Variants in RGS7 observed in about 807,000 individuals in gnomAD.
RGS7 encodes regulator of G protein signaling 7, also known as regulator of G-protein signaling 7.
In RGS7, 27 loss-of-function variants were observed where a neutral mutation model predicts 81.1. That is an observed-to-expected ratio of 0.33 (90% CI 0.25 to 0.46). The LOEUF (loss-of-function observed/expected upper bound fraction) is 0.46. Ranked by LOEUF, RGS7 falls within the 20% of genes least tolerant of loss-of-function variation. RGS7 has a pLI of 1.00. For synonymous variants in RGS7, 208 were observed against 207.7 expected (o/e 1.00, Z -0.01); for missense variants, 396 against 607.4 (o/e 0.65, Z 3.66).
intron 6 of RGS7, among the ~76,000 whole-genome samples, chr1:240,913,187 C>A (rs922441731): frequency 6.6e-6 from 1 of 152,146 alleles, no homozygotes; most frequent in African/African-American, 2.4e-5. Context: ...TTTACAGATA[C>A]CATGTTTCAG....
intron 6 of RGS7, chr1:240,920,626 C>T: frequency 9.0e-7 from 1 of 1,115,082 alleles, no homozygotes; most frequent in Non-Finnish European, 1.3e-6. Context: ...GGAAACAAAG[C>T]TTAGCGGAAG....
At position 241,087,993 on chromosome 1, in the gene RGS7, TATAC is replaced by T. The variant is rs1176626399; in HGVS notation, c.175+10669_175+10672del. The stretch of plus-strand genomic sequence containing the variant: ...CTCTCTCTCTATATATATATATATA[TATAC>T]ACACACACACATATATATATACACA... On this transcript the variant is annotated intron_variant, in intron 3 of 18. Coordinates refer to ENST00000440928, the MANE Select transcript of RGS7 (RefSeq NM_001364886.1). Among the ~76,000 whole-genome samples the T allele has an allele frequency of 2.3e-3, 246 of 105,320 alleles. 2 individuals are homozygous for T. The highest frequency in any genetic ancestry group is 8.5e-3 in the African/African-American group (230 of 27,002). 69.1% of individuals were successfully genotyped at this position (105,320 alleles called of 152,430 possible). A position where few individuals can be genotyped will look rare whatever the true frequency, so the allele number is the denominator to read the frequency against.
intron 9 of RGS7, among the ~76,000 whole-genome samples, chr1:240,843,653 C>A (rs10495476): frequency 0.68 from 102,631 of 152,006 alleles, 35,083 homozygotes; most frequent in Middle Eastern, 0.77. Flanking sequence ...GAGGTATATG[C>A]AATTATTGTG....
At chr1:241,244,767 T>C (rs2076435217) in intron 2 of RGS7, among the ~76,000 whole-genome samples, 1 of 151,918 alleles carries the variant, frequency 6.6e-6, no homozygotes, top group African/African-American at 2.4e-5. Flanking sequence ...CATGGAATAC[T>C]ATGCAGCCAT....
intron 2 of RGS7, among the ~76,000 whole-genome samples, chr1:241,347,150 G>GACATCTTCT (rs1327455091): frequency 1.3e-5 from 2 of 152,170 alleles, no homozygotes; most frequent in Non-Finnish European, 2.9e-5. Context: ...TATTGTTCTT[G>GACATCTTCT]ACATCTTCTA....
Position 241,140,545 on chromosome 1 carries a change from G to A in RGS7, c.79-41783C>T, listed in dbSNP as rs1044263155. ...TGGCCTGCTGAGTAGCTAGGACTAC[G>A]GGCAAGTGCCACCATGCTTGGCTAA... On this transcript the variant is annotated intron_variant, in intron 2 of 18. Transcript: ENST00000440928. Among the ~76,000 whole-genome samples, 7 of 152,126 alleles carry A rather than the reference G, an allele frequency of 4.6e-5. No individual in the cohort carries two copies. In the East Asian group the frequency reaches 9.7e-4, roughly 21 times the overall value.
At chr1:241,152,230 T>A (rs569758418) in intron 2 of RGS7, among the ~76,000 whole-genome samples, 1 of 151,606 alleles carries the variant, frequency 6.6e-6, no homozygotes, top group Non-Finnish European at 1.5e-5. Context: ...GTATGTTTGA[T>A]ACTCTTAACT....
At chr1:241,027,337 T>A (rs1349267457) in intron 3 of RGS7, among the ~76,000 whole-genome samples, 1 of 152,096 alleles carries the variant, frequency 6.6e-6, no homozygotes, top group Non-Finnish European at 1.5e-5. Flanking sequence ...TGTAATAAGA[T>A]CCTATAATAA....
At chr1:240,969,064 T>C (rs1572045009) in intron 4 of RGS7, among the ~76,000 whole-genome samples, 1 of 152,336 alleles carries the variant, frequency 6.6e-6, no homozygotes, top group African/African-American at 2.4e-5. Context: ...TACATTTCTC[T>C]GTCATTTTCT....
chr1:241,067,725 G>C (rs1248319215), intron 3 of RGS7, among the ~76,000 whole-genome samples: 2 of 152,002 alleles, frequency 1.3e-5, no homozygotes, highest in Non-Finnish European at 2.9e-5. Flanking sequence ...ATGTTGGCCA[G>C]GCTGGTCTCG....
At chr1:240,787,657 T>G (rs1685292441) in intron 18 of RGS7, among the ~76,000 whole-genome samples, 1 of 152,170 alleles carries the variant, frequency 6.6e-6, no homozygotes. Flanking sequence ...GTTTAAAGAC[T>G]GAGTAACAAA....
chr1:241,069,853 G>A (rs2062324901), intron 3 of RGS7, among the ~76,000 whole-genome samples: 1 of 152,176 alleles, frequency 6.6e-6, no homozygotes, highest in Admixed American at 6.5e-5. Context: ...CTCTATTAAA[G>A]AAGAATTTAT....
chr1:241,166,795 T>C (rs1170727652), intron 2 of RGS7, among the ~76,000 whole-genome samples: 1 of 152,086 alleles, frequency 6.6e-6, no homozygotes, highest in Non-Finnish European at 1.5e-5. Flanking sequence ...AGGTCATGAA[T>C]AATGTGCTAA....
intron 2 of RGS7, among the ~76,000 whole-genome samples, chr1:241,326,802 C>G (rs2081523432): frequency 6.7e-6 from 1 of 150,138 alleles, no homozygotes; most frequent in Admixed American, 6.7e-5. Context: ...CCCAACTACT[C>G]AGGAGCCTGA....
intron 2 of RGS7, among the ~76,000 whole-genome samples, chr1:241,273,366 T>C (rs990711614): frequency 1.3e-4 from 20 of 152,156 alleles, no homozygotes; most frequent in Non-Finnish European, 1.5e-5. Context: ...CTGAAAATAT[T>C]GTTCTCCTTA....
intron 2 of RGS7, among the ~76,000 whole-genome samples, chr1:241,254,417 T>TCTGGAGG (rs2076971497): frequency 6.6e-6 from 1 of 152,104 alleles, no homozygotes; most frequent in African/African-American, 2.4e-5. Context: ...TTTTCACGGT[T>TCTGGAGG]CTGGAGGCTG....
chr1:241,331,754 A>G (rs2081990128), intron 2 of RGS7, among the ~76,000 whole-genome samples: 1 of 152,208 alleles, frequency 6.6e-6, no homozygotes, highest in Admixed American at 6.5e-5. Flanking sequence ...TGTTTCAGAG[A>G]GAAGCAAAAT....
At chr1:240,935,559 G>A (rs182200671) in intron 5 of RGS7, among the ~76,000 whole-genome samples, 3 of 152,304 alleles carry the variant, frequency 2.0e-5, no homozygotes, top group Admixed American at 2.0e-4. Context: ...GTCCAAAACT[G>A]TCCTACGATT....
chr1:240,799,103 G>T (rs1023525523), intron 18 of RGS7, among the ~76,000 whole-genome samples: 7 of 151,908 alleles, frequency 4.6e-5, no homozygotes, highest in Non-Finnish European at 8.8e-5. Flanking sequence ...CTAAACCAAG[G>T]GGAAATTCAG....
Sources: gnomAD v4.1 joint callset for allele counts (sites outside exome capture counted in the v4.1 genomes callset) on GRCh38, gnomAD v4.1.1 for gene constraint, MANE v1.5 for transcripts, NCBI Gene and HGNC (gene_info 2026-07-23, HGNC 2026-07-21) for gene names.